TCF4: variants seen among roughly 807,000 people sequenced by gnomAD.
TCF4 encodes the protein transcription factor 4.
Under a neutral mutation model 82.1 loss-of-function variants are expected in TCF4, and 3 were observed. The ratio of observed to expected loss-of-function variants is 0.04; its 90% confidence interval spans 0.02 to 0.09. The LOEUF (loss-of-function observed/expected upper bound fraction) is 0.09. Ranked by LOEUF, TCF4 falls within the 10% of genes least tolerant of loss-of-function variation. The pLI, the probability that TCF4 is intolerant of heterozygous loss-of-function variation, is 1.00. For missense variants in TCF4, 518 were observed against 852.7 expected, an observed-to-expected ratio of 0.61 and a Z score of 4.89; for synonymous variants, 276 against 309.6, an observed-to-expected ratio of 0.89 and a Z score of 1.14.
intron 2 of TCF4, among the ~76,000 whole-genome samples, chr18:55,622,612 C>A (rs1157977778): frequency 6.6e-6 from 1 of 151,280 alleles, no homozygotes; most frequent in African/African-American, 2.4e-5. Flanking sequence ...TAGTGACTAT[C>A]TTATCTAATT....
At chr18:55,484,478 C>A (rs1352325448) in intron 3 of TCF4, among the ~76,000 whole-genome samples, 1 of 152,198 alleles carries the variant, frequency 6.6e-6, no homozygotes, top group Non-Finnish European at 1.5e-5. Context: ...AACCTATTAA[C>A]AATTCACCTA....
intron 6 of TCF4, among the ~76,000 whole-genome samples, chr18:55,355,853 C>T (rs2144980551): frequency 6.6e-6 from 1 of 152,160 alleles, no homozygotes; most frequent in Admixed American, 6.5e-5. Context: ...TTTTTTATTT[C>T]TACATTAAAC....
chr18:55,225,766 T>C lies in TCF4; in HGVS notation c.*2269A>G, dbSNP rs1299033924. On this transcript the variant is annotated 3_prime_UTR_variant, in exon 20 of 20. Coordinates refer to ENST00000354452, the MANE Select transcript of TCF4 (RefSeq NM_001083962.2). Reference sequence around the variant, plus strand: ...ATAACTTTTCATGAAGTTTGATTTCTGCTATTCTCCTAAGGTTTTAATCCA... The same window carrying C: ...ATAACTTTTCATGAAGTTTGATTTCCGCTATTCTCCTAAGGTTTTAATCCA... 6.6e-6 allele frequency: 1 copy of C among 152,618 alleles called. No individual in the cohort carries two copies. The highest frequency in any genetic ancestry group is 1.5e-5 in the Non-Finnish European group (1 of 68,006). 9.5% of individuals were successfully genotyped at this position (152,618 alleles called of 1,614,324 possible). A position where few individuals can be genotyped will look rare whatever the true frequency, so the allele number is the denominator to read the frequency against.
chr18:55,442,865 C>T (rs1476120034), intron 5 of TCF4, among the ~76,000 whole-genome samples: 1 of 152,206 alleles, frequency 6.6e-6, no homozygotes, highest in Non-Finnish European at 1.5e-5. Context: ...TGAAGCTCTG[C>T]ACCCTTCTGC....
intron 15 of TCF4, among the ~76,000 whole-genome samples, chr18:55,250,575 G>T (rs954923058): frequency 6.6e-6 from 1 of 152,140 alleles, no homozygotes; most frequent in African/African-American, 2.4e-5. Flanking sequence ...AACTTCTAAG[G>T]CTCACTTTAC....
At chr18:55,537,117 G>C (rs1465439242) in intron 3 of TCF4, among the ~76,000 whole-genome samples, 2 of 141,528 alleles carry the variant, frequency 1.4e-5, no homozygotes, top group African/African-American at 5.3e-5. Flanking sequence ...CTGGGCAACA[G>C]AGCGAGACTC....
At chr18:55,413,401 GA>G (rs1410120040) in intron 5 of TCF4, among the ~76,000 whole-genome samples, 2 of 152,152 alleles carry the variant, frequency 1.3e-5, no homozygotes, top group Admixed American at 6.5e-5. Flanking sequence ...CAAAGAGTAG[GA>G]AGATTGCTAA....
At chr18:55,308,763 A>G (rs192245974) in intron 8 of TCF4, among the ~76,000 whole-genome samples, 2 of 152,374 alleles carry the variant, frequency 1.3e-5, no homozygotes, top group Non-Finnish European at 2.9e-5. Context: ...AAGTGCTACA[A>G]GGTAGCATTA....
chr18:55,609,980 T>C (rs556232186), intron 2 of TCF4, among the ~76,000 whole-genome samples: 1 of 152,210 alleles, frequency 6.6e-6, no homozygotes, highest in South Asian at 2.1e-4. Flanking sequence ...ACTTATTTGC[T>C]TATTTTTTTT....
At chr18:55,560,769 T>C (rs906725267) in intron 3 of TCF4, among the ~76,000 whole-genome samples, 11 of 152,250 alleles carry the variant, frequency 7.2e-5, no homozygotes, top group Admixed American at 2.6e-4. Flanking sequence ...TCAAGCAGGA[T>C]GATGAAGTAT....
chr18:55,266,920 C>T (rs1027117830), intron 11 of TCF4: 32 of 152,104 alleles, frequency 2.1e-4, no homozygotes, highest in Admixed American at 1.9e-3. Flanking sequence ...ACATGCACTG[C>T]GTTGTTCTAG....
intron 8 of TCF4, among the ~76,000 whole-genome samples, chr18:55,328,381 T>TA (rs141600042): frequency 0.03 from 4,292 of 145,284 alleles, 77 homozygotes; most frequent in Non-Finnish European, 0.038. Flanking sequence ...GGAATGTTCT[T>TA]AAAAAAAAAA....
In TCF4 at chr18:55,474,129, T is replaced by A. The variant is rs549411914; in HGVS notation, c.146-9992A>T. Among the ~76,000 whole-genome samples the A allele has an allele frequency of 1.1e-4, 16 of 152,310 alleles. No individual in the cohort carries two copies. In the South Asian group the frequency reaches 2.5e-3, roughly 24 times the overall value. The stretch of plus-strand genomic sequence containing the variant: ...ACAGTTGTATAAATCTACCTCCACA[T>A]GTATTTGAAGGGAAGCAGTCTATTA... On this transcript the variant is annotated intron_variant, in intron 3 of 19. Coordinates refer to ENST00000354452, the MANE Select transcript of TCF4 (RefSeq NM_001083962.2).
chr18:55,464,024 A>G (rs1473896138), intron 4 of TCF4, 52 bp downstream of exon 4: 2 of 1,534,088 alleles, frequency 1.3e-6, no homozygotes, highest in Non-Finnish European at 1.8e-6. Flanking sequence ...CTGTTTGTCA[A>G]TTTACATATG....
At chr18:55,439,667 G>A (rs147341924) in intron 5 of TCF4, among the ~76,000 whole-genome samples, 5 of 152,292 alleles carry the variant, frequency 3.3e-5, no homozygotes, top group African/African-American at 9.6e-5. Context: ...TGGGTAACTC[G>A]AAAAGAACTT....
At chr18:55,351,072 T>C (rs1367657410) in intron 6 of TCF4, 69 bp from the exon 7 acceptor site, 2 of 1,592,864 alleles carry the variant, frequency 1.3e-6, no homozygotes, top group Non-Finnish European at 8.6e-7. Flanking sequence ...CCCAACTGAT[T>C]GTTAGTACTT....
At chr18:55,559,581 CAACTT>C (rs750981294) in intron 3 of TCF4, among the ~76,000 whole-genome samples, 1 of 150,546 alleles carries the variant, frequency 6.6e-6, no homozygotes, top group African/African-American at 2.4e-5. Context: ...TGATAAAACA[CAACTT>C]AAATTACTTG....
At chr18:55,537,410 C>T (rs947189789) in intron 3 of TCF4, among the ~76,000 whole-genome samples, 3 of 151,920 alleles carry the variant, frequency 2.0e-5, no homozygotes, top group Admixed American at 6.6e-5. Context: ...GGCAACATGG[C>T]GAAACACCAT....
intron 5 of TCF4, among the ~76,000 whole-genome samples, chr18:55,444,136 T>C (rs993035801): frequency 1.3e-5 from 2 of 152,074 alleles, no homozygotes; most frequent in African/African-American, 4.8e-5. Flanking sequence ...AAAACCAACA[T>C]GAAGAAATCA....
Sources: gnomAD v4.1 joint callset for allele counts (sites outside exome capture counted in the v4.1 genomes callset) on GRCh38, gnomAD v4.1.1 for gene constraint, MANE v1.5 for transcripts, NCBI Gene and HGNC (gene_info 2026-07-23, HGNC 2026-07-21) for gene names.